Variants in CTNNA3 observed in about 807,000 individuals in gnomAD.
CTNNA3 encodes catenin alpha-3.
Under a neutral mutation model 95.7 loss-of-function variants are expected in CTNNA3, and 76 were observed. The observed-to-expected ratio is 0.79, with a 90% CI of 0.66 to 0.96. CTNNA3 has a LOEUF of 0.96. Ranked by LOEUF, CTNNA3 falls within the 40% of genes least tolerant of loss-of-function variation. The pLI is 0.00. For missense variants in CTNNA3, 1,191 were observed against 1,089.8 expected (o/e 1.09, Z -1.31); for synonymous variants, 431 against 374.4 (o/e 1.15, Z -1.74).
intron 7 of CTNNA3, among the ~76,000 whole-genome samples, chr10:67,165,247 A>G (rs1394844386): frequency 6.6e-6 from 1 of 152,214 alleles, no homozygotes; most frequent in Non-Finnish European, 1.5e-5. Context: ...TAAAAAGCCA[A>G]TCTCAAAAGG....
intron 13 of CTNNA3, among the ~76,000 whole-genome samples, chr10:66,111,544 A>G (rs958221762): frequency 9.8e-5 from 15 of 152,364 alleles, no homozygotes; most frequent in African/African-American, 3.4e-4. Context: ...TGTAGACAGG[A>G]ACAATTATGC....
At chr10:67,540,857 T>G (rs1840663110) in intron 3 of CTNNA3, among the ~76,000 whole-genome samples, 1 of 151,990 alleles carries the variant, frequency 6.6e-6, no homozygotes, top group South Asian at 2.1e-4. Context: ...TATAGCACAG[T>G]AATTAACAGT....
chr10:66,696,341 T>G (rs915624778), intron 9 of CTNNA3, among the ~76,000 whole-genome samples: 2 of 152,126 alleles, frequency 1.3e-5, no homozygotes, highest in Non-Finnish European at 2.9e-5. Context: ...TATACTCACA[T>G]GAGGAGATAC....
At chr10:67,568,164 AT>A (rs1841869925) in intron 3 of CTNNA3, among the ~76,000 whole-genome samples, 1 of 151,122 alleles carries the variant, frequency 6.6e-6, no homozygotes, top group Admixed American at 6.6e-5. Context: ...TATTTTTTCT[AT>A]TTATCTCTCT....
chr10:66,679,434 C>A (rs772479632), intron 9 of CTNNA3, among the ~76,000 whole-genome samples: 2 of 152,074 alleles, frequency 1.3e-5, no homozygotes, highest in Admixed American at 1.3e-4. Context: ...AAGGTGTCTG[C>A]AGAATGTTTA....
In CTNNA3 at chr10:67,694,283, C is replaced by G. The variant is rs117576191; in HGVS notation, c.-6+1717G>C. On this transcript the variant is annotated intron_variant, in intron 1 of 17. Coordinates refer to ENST00000433211, the MANE Select transcript of CTNNA3 (RefSeq NM_013266.4). ...GGAAATTTTGTAGGTAGGAGAGATT[C>G]CATCCTTCTAAACACTAAGTATTTT... Among the ~76,000 whole-genome samples, 623 of 152,040 alleles carry G rather than the reference C, an allele frequency of 4.1e-3. 5 individuals carry two copies. The highest frequency in any genetic ancestry group is 0.014 in the Middle Eastern group (4 of 294).
At chr10:67,757,315 G>A (rs936302380) in intron 1 of CTNNA3, among the ~76,000 whole-genome samples, 2 of 152,202 alleles carry the variant, frequency 1.3e-5, no homozygotes, top group Non-Finnish European at 2.9e-5. Flanking sequence ...TTAATTTTAC[G>A]TATCAACTCG....
At chr10:66,608,685 G>A (rs976178116) in intron 10 of CTNNA3, among the ~76,000 whole-genome samples, 5 of 152,142 alleles carry the variant, frequency 3.3e-5, no homozygotes, top group African/African-American at 1.2e-4. Context: ...AACAAGCAAT[G>A]GGAAAGGATT....
chr10:66,485,326 A>G (rs1839687369), intron 11 of CTNNA3, among the ~76,000 whole-genome samples: 1 of 152,172 alleles, frequency 6.6e-6, no homozygotes, highest in South Asian at 2.1e-4. Flanking sequence ...ACGATTTTAT[A>G]TATGGTAAGA....
chr10:67,028,923 C>G (rs978650822), intron 7 of CTNNA3, among the ~76,000 whole-genome samples: 2 of 152,106 alleles, frequency 1.3e-5, no homozygotes, highest in African/African-American at 4.8e-5. Context: ...TAAGGCAAAA[C>G]TCAACTTTTT....
chr10:67,458,322 A>T (rs1847247196), intron 5 of CTNNA3, among the ~76,000 whole-genome samples: 1 of 152,096 alleles, frequency 6.6e-6, no homozygotes, highest in Non-Finnish European at 1.5e-5. Flanking sequence ...CTCTATTCCA[A>T]TCACTTCATT....
intron 10 of CTNNA3, among the ~76,000 whole-genome samples, chr10:66,576,605 G>C (rs1299348508): frequency 6.6e-6 from 1 of 151,994 alleles, no homozygotes; most frequent in Non-Finnish European, 1.5e-5. Flanking sequence ...TCCTGCACTA[G>C]TTTGCTTAGG....
chr10:66,604,517 A>G (rs953919273), intron 10 of CTNNA3, among the ~76,000 whole-genome samples: 1 of 152,148 alleles, frequency 6.6e-6, no homozygotes, highest in Non-Finnish European at 1.5e-5. Context: ...TGCTGTCACC[A>G]TACTACGAAA....
At chr10:67,578,938 T>C (rs1247745771) in intron 3 of CTNNA3, among the ~76,000 whole-genome samples, 1 of 146,420 alleles carries the variant, frequency 6.8e-6, no homozygotes, top group Non-Finnish European at 1.5e-5. Context: ...TCAGGTTTTA[T>C]TGATTGGCCA....
chr10:66,966,631 GA>G (rs1194346139), intron 7 of CTNNA3, among the ~76,000 whole-genome samples: 1 of 151,990 alleles, frequency 6.6e-6, no homozygotes, highest in African/African-American at 2.4e-5. Context: ...AATTTACGGC[GA>G]GGGGGAAGCA....
At chr10:67,314,415 G>T (rs1840954760) in intron 5 of CTNNA3, among the ~76,000 whole-genome samples, 2 of 152,104 alleles carry the variant, frequency 1.3e-5, no homozygotes, top group South Asian at 2.1e-4. Flanking sequence ...AATCATTCGT[G>T]TGTCACATAT....
chr10:67,540,421 G>A (rs975108533), intron 3 of CTNNA3, among the ~76,000 whole-genome samples: 5 of 151,390 alleles, frequency 3.3e-5, no homozygotes, highest in Non-Finnish European at 5.9e-5. Context: ...ACTATAATAC[G>A]TGTCCATTAC....
intron 10 of CTNNA3, among the ~76,000 whole-genome samples, chr10:66,610,654 GGGA>G (rs1844296257): frequency 6.6e-6 from 1 of 152,100 alleles, no homozygotes; most frequent in Non-Finnish European, 1.5e-5. Context: ...GTGGAGAAAG[GGGA>G]ATGCTCATAC....
intron 11 of CTNNA3, among the ~76,000 whole-genome samples, chr10:66,492,228 G>T (rs2441743): frequency 0.069 from 10,423 of 152,156 alleles, 989 homozygotes; most frequent in East Asian, 0.45. Context: ...ACCCAGAGAA[G>T]AAAATACACT....
Sources: allele counts gnomAD v4.1 joint callset (sites outside exome capture counted in the v4.1 genomes callset), GRCh38; gene constraint gnomAD v4.1.1; transcripts MANE v1.5; gene names NCBI Gene and HGNC (gene_info 2026-07-23, HGNC 2026-07-21).